The following CNTN3 variants were observed in gnomAD, a reference collection of about 807,000 sequenced individuals.
CNTN3 encodes contactin 3, also known as contactin-3.
Under a neutral mutation model 119.1 loss-of-function variants are expected in CNTN3, and 60 were observed. The observed-to-expected ratio is 0.50, with a 90% CI of 0.41 to 0.62. The LOEUF (loss-of-function observed/expected upper bound fraction) is 0.62. Among genes scored for constraint, CNTN3 ranks in the 20% least tolerant of loss-of-function variants. The probability of loss-of-function intolerance (pLI) is 0.00; values close to 1 mark genes in which losing one functional copy is unlikely to be tolerated. For synonymous variants in CNTN3, 450 were observed against 438.7 expected (o/e 1.03, Z -0.32); for missense variants, 1,101 against 1,242.4 (o/e 0.89, Z 1.71).
intron 5 of CNTN3, among the ~76,000 whole-genome samples, chr3:74,394,066 GA>G (rs1239014995): frequency 6.6e-6 from 1 of 152,116 alleles, no homozygotes; most frequent in African/African-American, 2.4e-5. Context: ...AAGCCAAAAA[GA>G]AGAAGAATAA....
intron 4 of CNTN3, among the ~76,000 whole-genome samples, chr3:74,464,070 A>T (rs986431505): frequency 6.6e-6 from 1 of 152,134 alleles, no homozygotes; most frequent in South Asian, 2.1e-4. Flanking sequence ...TCAAAAATCT[A>T]TGCAGTAGTT....
intron 11 of CNTN3, among the ~76,000 whole-genome samples, chr3:74,350,585 A>G (rs933880930): frequency 7.2e-5 from 11 of 152,142 alleles, no homozygotes; most frequent in African/African-American, 2.7e-4. Flanking sequence ...TACCCAATGG[A>G]AAATAAATCA....
intron 5 of CNTN3, among the ~76,000 whole-genome samples, chr3:74,405,258 T>C (rs1705296128): frequency 6.6e-6 from 1 of 152,078 alleles, no homozygotes; most frequent in Non-Finnish European, 1.5e-5. Context: ...TCATCGATAA[T>C]CTACTCTTTC....
intron 11 of CNTN3, among the ~76,000 whole-genome samples, chr3:74,339,618 C>T (rs572018852): frequency 6.6e-5 from 10 of 152,216 alleles, no homozygotes; most frequent in African/African-American, 2.4e-4. Context: ...CTCCAGTACA[C>T]TGTAGGCTCT....
intron 16 of CNTN3, 22 bp from the exon 17 acceptor site, chr3:74,299,960 A>G: frequency 6.7e-7 from 1 of 1,482,104 alleles, no homozygotes; most frequent in East Asian, 2.4e-5. Flanking sequence ...AGAGAAACAG[A>G]GATGAAATGG....
rs1703166770 is a variant in CNTN3 at position 74,327,750 on chromosome 3, T to A, written c.1668+6985A>T. On this transcript the variant is annotated intron_variant, in intron 13 of 22. Transcript: ENST00000263665. ...TTGCAAGTTTTCATAATAATGAATC[T>A]ACCTAAGTAGACAATTTTAATTTCA... 2.0e-5 allele frequency among the ~76,000 whole-genome samples: 3 copies of A among 152,062 alleles called. No homozygotes were observed. The South Asian group carries it at 6.2e-4, about 31-fold the overall frequency.
chr3:74,311,438 C>T (rs922964298), intron 13 of CNTN3, among the ~76,000 whole-genome samples: 3 of 152,108 alleles, frequency 2.0e-5, no homozygotes, highest in Admixed American at 2.0e-4. Context: ...GAATGTTTTA[C>T]ATAAAAATAA....
chr3:74,542,053 C>A (rs1278366843), intron 1 of CNTN3, among the ~76,000 whole-genome samples: 1 of 151,780 alleles, frequency 6.6e-6, no homozygotes, highest in Non-Finnish European at 1.5e-5. Context: ...GACAACATAG[C>A]AAGACTCTGT....
intron 4 of CNTN3, among the ~76,000 whole-genome samples, chr3:74,439,872 G>T (rs2106925931): frequency 6.6e-6 from 1 of 152,276 alleles, no homozygotes. Context: ...CTACAAAGCT[G>T]AGTGAAAAAG....
intron 4 of CNTN3, among the ~76,000 whole-genome samples, chr3:74,441,687 A>C (rs1701969074): frequency 1.3e-5 from 2 of 152,154 alleles, no homozygotes; most frequent in East Asian, 1.9e-4. Flanking sequence ...AAATCTAAAC[A>C]TATGTCTGTT....
chr3:74,554,798 TAAG>T (rs749190604), intron 1 of CNTN3, among the ~76,000 whole-genome samples: 6 of 152,224 alleles, frequency 3.9e-5, no homozygotes, highest in Non-Finnish European at 7.3e-5. Context: ...CTTGTCAGCT[TAAG>T]AAGATTTTGG....
chr3:74,491,383 G>C (rs951535627), intron 3 of CNTN3, among the ~76,000 whole-genome samples: 10 of 151,938 alleles, frequency 6.6e-5, no homozygotes, highest in African/African-American at 2.4e-4. Context: ...TGTGCTTGTA[G>C]TCCCAGCTAC....
At chr3:74,328,101 A>AT (rs902526650) in intron 13 of CNTN3, among the ~76,000 whole-genome samples, 6 of 151,818 alleles carry the variant, frequency 4.0e-5, no homozygotes, top group Non-Finnish European at 7.4e-5. Flanking sequence ...AGGAGTGTGT[A>AT]TTTTTTATCT....
chr3:74,610,053 C>T (rs144793093), intron 1 of CNTN3, among the ~76,000 whole-genome samples: 74 of 152,054 alleles, frequency 4.9e-4, no homozygotes, highest in East Asian at 1.7e-3. Context: ...CCAGACTCAG[C>T]GGCTCACACC....
At chr3:74,279,970 T>C (rs534746812) in intron 20 of CNTN3, among the ~76,000 whole-genome samples, 2 of 152,206 alleles carry the variant, frequency 1.3e-5, no homozygotes, top group South Asian at 4.2e-4. Context: ...AGGGTGACTA[T>C]AGTCAATAAT....
chr3:74,453,641 T>C (rs550709216), intron 4 of CNTN3, among the ~76,000 whole-genome samples: 1 of 151,412 alleles, frequency 6.6e-6, no homozygotes, highest in South Asian at 2.1e-4. Context: ...CTGCTTTCTC[T>C]TGTGGGCATT....
chr3:74,554,071 A>T lies in CNTN3; in HGVS notation c.-80-32879T>A, dbSNP rs77630912. Among the ~76,000 whole-genome samples the T allele has an allele frequency of 8.8e-3, 1,335 of 152,220 alleles. 19 individuals are homozygous for T. The highest frequency in any genetic ancestry group is 0.031 in the African/African-American group (1,272 of 41,532). On this transcript the variant is annotated intron_variant, in intron 1 of 22. Transcript: ENST00000263665. The stretch of plus-strand genomic sequence containing the variant: ...CCTAGGTCTTACATTTAAGTCTTTC[A>T]TCCATCTTGAGTTGATTTTTGTATA...
chr3:74,526,216 A>AC (rs1703616947), intron 1 of CNTN3, among the ~76,000 whole-genome samples: 1 of 39,468 alleles, frequency 2.5e-5, no homozygotes, highest in Admixed American at 2.8e-4. Flanking sequence ...CCTAATCTTC[A>AC]CCAAAAAAAA....
At chr3:74,301,990 G>A (rs1296035663) in intron 14 of CNTN3, among the ~76,000 whole-genome samples, 185 bp from the exon 15 acceptor site, 7 of 152,062 alleles carry the variant, frequency 4.6e-5, no homozygotes, top group East Asian at 1.9e-4. Context: ...CTCCCTCCCC[G>A]CATTTCTGTT....
Sources: allele counts gnomAD v4.1 joint callset (sites outside exome capture counted in the v4.1 genomes callset), GRCh38; gene constraint gnomAD v4.1.1; transcripts MANE v1.5; gene names NCBI Gene and HGNC (gene_info 2026-07-23, HGNC 2026-07-21).